FAM117B: variants seen among roughly 807,000 people sequenced by gnomAD.
The protein encoded by FAM117B is family with sequence similarity 117 member B.
Under a neutral mutation model 52.8 loss-of-function variants are expected in FAM117B, and 22 were observed. The ratio of observed to expected loss-of-function variants is 0.42; its 90% CI spans 0.30 to 0.59. The LOEUF is 0.59. Ranked by LOEUF, FAM117B falls within the 20% of genes least tolerant of loss-of-function variation. FAM117B has a pLI of 0.22. For missense variants in FAM117B, 678 were observed against 802.6 expected, an observed-to-expected ratio of 0.84 and a Z score of 1.88; for synonymous variants, 309 against 324.1, an observed-to-expected ratio of 0.95 and a Z score of 0.50.
intron 4 of FAM117B, among the ~76,000 whole-genome samples, chr2:202,754,756 G>A (rs1035064429): frequency 2.0e-5 from 3 of 151,608 alleles, no homozygotes; most frequent in Non-Finnish European, 4.4e-5. Context: ...CAGGTGTGGT[G>A]GCGGGTGCCT....
intron 1 of FAM117B, among the ~76,000 whole-genome samples, chr2:202,638,121 C>T (rs751065525): frequency 4.6e-5 from 7 of 152,154 alleles, no homozygotes; most frequent in Non-Finnish European, 8.8e-5. Flanking sequence ...GGTGACCTGC[C>T]GACCTCGGCC....
rs557046038 is a variant in FAM117B at position 202,648,441 on chromosome 2, T to TG, written c.601+12656dup. On this transcript the variant is annotated intron_variant, in intron 1 of 7. Coordinates refer to ENST00000392238, the MANE Select transcript of FAM117B (RefSeq NM_173511.4). ...CTGAGGCAGGAGAATTGCTTCAACC[T>TG]GGGAGGTGGAGGTTGCAGTGAGCCA... is the stretch of plus-strand genomic sequence containing the variant. 1.0e-3 allele frequency among the ~76,000 whole-genome samples: 156 copies of TG among 151,336 alleles called. 1 individual carries two copies. Among genetic ancestry groups the TG allele is most frequent in the African/African-American group, 3.7e-3 (151 of 41,296 alleles).
chr2:202,673,433 G>GTTTTTTTTTTT lies in FAM117B; in HGVS notation c.602-22426_602-22416dup, dbSNP rs1158185300. On this transcript the variant is annotated intron_variant, in intron 1 of 7. Coordinates refer to ENST00000392238, the MANE Select transcript of FAM117B (RefSeq NM_173511.4). ...TAGCCTACCCTATTTTTCTTTTTCT[G>GTTTTTTTTTTT]TTTTTTTTTTTTTTTTTTTTTTTTT... 1.3e-3 allele frequency among the ~76,000 whole-genome samples: 49 copies of GTTTTTTTTTTT among 37,536 alleles called. 9 individuals carry two copies. Among genetic ancestry groups the GTTTTTTTTTTT allele is most frequent in the African/African-American group, 5.6e-3 (36 of 6,448 alleles). The allele number at this position is 37,536 out of a possible 152,430, so 24.6% of individuals were successfully genotyped here. A position where few individuals can be genotyped will look rare whatever the true frequency, so the allele number is the denominator to read the frequency against.
chr2:202,693,452 T>TA (rs1401797989), intron 1 of FAM117B, among the ~76,000 whole-genome samples: 2 of 151,970 alleles, frequency 1.3e-5, no homozygotes, highest in Non-Finnish European at 2.9e-5. Context: ...CTACTAAAAA[T>TA]ACAAAAGTTA....
intron 4 of FAM117B, among the ~76,000 whole-genome samples, chr2:202,754,888 C>CAAA (rs149747057): frequency 0.67 from 56,942 of 85,370 alleles, 19,747 homozygotes; most frequent in East Asian, 0.79. Flanking sequence ...AGATTCGTCT[C>CAAA]AAAAAAAAAA....
chr2:202,744,718 A>T (rs1438119883), intron 4 of FAM117B, among the ~76,000 whole-genome samples: 1 of 152,112 alleles, frequency 6.6e-6, no homozygotes, highest in Non-Finnish European at 1.5e-5. Context: ...CACGCTTGTA[A>T]ATCCCAGCAC....
chr2:202,741,705 T>G (rs1291796595), intron 4 of FAM117B, among the ~76,000 whole-genome samples: 1 of 151,922 alleles, frequency 6.6e-6, no homozygotes, highest in East Asian at 2.0e-4. Context: ...CCTGACTGAT[T>G]TTTTGTATTT....
chr2:202,686,798 A>G (rs1319728090), intron 1 of FAM117B, among the ~76,000 whole-genome samples: 1 of 146,320 alleles, frequency 6.8e-6, no homozygotes, highest in Non-Finnish European at 1.5e-5. Context: ...ACAGAATGAG[A>G]TTCGGTCAAA....
At chr2:202,757,459 G>C (rs749604378) in intron 6 of FAM117B, 21 bp downstream of exon 6, 18 of 1,603,022 alleles carry the variant, frequency 1.1e-5, no homozygotes, top group Non-Finnish European at 1.5e-5. Context: ...GGAGGAATGT[G>C]CTACTAGATG....
intron 2 of FAM117B, among the ~76,000 whole-genome samples, chr2:202,696,764 G>A (rs1574559745): frequency 6.6e-6 from 1 of 152,218 alleles, no homozygotes; most frequent in Non-Finnish European, 1.5e-5. Flanking sequence ...AATAGAAAGG[G>A]ATCTCAAGAA....
At chr2:202,731,737 TTTTG>T (rs947317467) in intron 4 of FAM117B, among the ~76,000 whole-genome samples, 6 of 151,712 alleles carry the variant, frequency 4.0e-5, no homozygotes, top group East Asian at 3.9e-4. Context: ...GCCTACTTTT[TTTTG>T]TTTGTTTGTT....
chr2:202,736,534 A>T (rs1691439087), intron 4 of FAM117B, among the ~76,000 whole-genome samples: 1 of 152,166 alleles, frequency 6.6e-6, no homozygotes, highest in Admixed American at 6.6e-5. Context: ...TTCGACGTAG[A>T]TGGATCACTT....
At position 202,643,501 on chromosome 2, in the gene FAM117B, G is replaced by A. The variant is rs143354192; in HGVS notation, c.601+7713G>A. ...TCCAAACTACTTGAAGGCAAAAATAGCATGCTTGTCTTTATACTATATTTT... is the reference window on the plus strand; with the variant it reads ...TCCAAACTACTTGAAGGCAAAAATAACATGCTTGTCTTTATACTATATTTT... On this transcript the variant is annotated intron_variant, in intron 1 of 7. Transcript: ENST00000392238. 1.8e-4 allele frequency among the ~76,000 whole-genome samples: 28 copies of A among 152,228 alleles called. 1 individual carries two copies. Among genetic ancestry groups the A allele is most frequent in the African/African-American group, 6.7e-4 (28 of 41,538 alleles).
intron 1 of FAM117B, among the ~76,000 whole-genome samples, chr2:202,654,955 G>A (rs1559095197): frequency 6.6e-6 from 1 of 151,364 alleles, no homozygotes; most frequent in Non-Finnish European, 1.5e-5. Context: ...ATTCTCTTTA[G>A]AAAAAATGTG....
intron 2 of FAM117B, among the ~76,000 whole-genome samples, chr2:202,717,432 A>G (rs763514712): frequency 6.6e-6 from 1 of 152,134 alleles, no homozygotes; most frequent in Non-Finnish European, 1.5e-5. Flanking sequence ...AGATGGTGTC[A>G]CTGTACTCCA....
At chr2:202,727,582 A>G (rs1488557227) in intron 4 of FAM117B, among the ~76,000 whole-genome samples, 1 of 152,186 alleles carries the variant, frequency 6.6e-6, no homozygotes, top group Admixed American at 6.5e-5. Context: ...CATAGTATTT[A>G]CATTGTATTA....
chr2:202,691,657 G>GTGTGTGTGTA (rs1553520257), intron 1 of FAM117B, among the ~76,000 whole-genome samples: 44 of 128,556 alleles, frequency 3.4e-4, no homozygotes, highest in East Asian at 2.7e-3. Context: ...CATTGTGTGT[G>GTGTGTGTGTA]TGTGTGTGTG....
chr2:202,725,077 T>C (rs748927250), intron 3 of FAM117B, 68 bp downstream of exon 3: 5 of 1,180,390 alleles, frequency 4.2e-6, no homozygotes, highest in Non-Finnish European at 6.1e-6. Context: ...TTCCTTGATA[T>C]TATGGGCAGC....
intron 5 of FAM117B, 83 bp downstream of exon 5, chr2:202,755,764 G>T: frequency 1.5e-6 from 2 of 1,377,134 alleles, no homozygotes; most frequent in Non-Finnish European, 2.0e-6. Flanking sequence ...TATTTACTTG[G>T]GTTTCTTCCT....
Sources: allele counts gnomAD v4.1 joint callset (sites outside exome capture counted in the v4.1 genomes callset), GRCh38; gene constraint gnomAD v4.1.1; transcripts MANE v1.5; gene names NCBI Gene and HGNC (gene_info 2026-07-23, HGNC 2026-07-21).